PRRX2: variants seen among roughly 807,000 people sequenced by gnomAD.
The protein encoded by PRRX2 is paired mesoderm homeobox protein 2.
Under a neutral mutation model 18.0 loss-of-function variants are expected in PRRX2, and 11 were observed. The ratio of observed to expected loss-of-function variants is 0.61; its 90% confidence interval spans 0.39 to 1.01. The LOEUF is 1.01. PRRX2 is among the 50% of genes least tolerant of loss of function. The pLI is 0.01. For synonymous variants in PRRX2, 177 were observed against 154.8 expected, an observed-to-expected ratio of 1.14 and a Z score of -1.06; for missense variants, 387 against 351.0, an observed-to-expected ratio of 1.10 and a Z score of -0.82.
chr9:129,668,808 AAAAGAAAAG>A (rs1832061861), intron 1 of PRRX2, among the ~76,000 whole-genome samples: 1 of 151,054 alleles, frequency 6.6e-6, no homozygotes, highest in Admixed American at 6.6e-5. Flanking sequence ...AGAAAGAAAG[AAAAGAAAAG>A]AAAGAGATGG....
At chr9:129,702,595 G>A (rs952426050) in intron 1 of PRRX2, among the ~76,000 whole-genome samples, 4 of 152,206 alleles carry the variant, frequency 2.6e-5, no homozygotes, top group African/African-American at 4.8e-5. Flanking sequence ...CGTGCAGCTC[G>A]TTGCTCCCAC....
At chr9:129,684,482 T>TCTCA (rs777358202) in intron 1 of PRRX2, among the ~76,000 whole-genome samples, 28 of 43,294 alleles carry the variant, frequency 6.5e-4, no homozygotes, top group African/African-American at 2.2e-3. Context: ...ATACCAGAAA[T>TCTCA]CACACACACA....
At chr9:129,677,958 C>CTTTTTTTTTTTT (rs760645440) in intron 1 of PRRX2, among the ~76,000 whole-genome samples, 127 of 113,100 alleles carry the variant, frequency 1.1e-3, no homozygotes, top group Non-Finnish European at 1.4e-3. Flanking sequence ...TTCTTTCTTT[C>CTTTTTTTTTTTT]TTTTTTTTTT....
intron 1 of PRRX2, among the ~76,000 whole-genome samples, chr9:129,670,445 G>A (rs974041131): frequency 1.3e-5 from 2 of 152,082 alleles, no homozygotes; most frequent in South Asian, 2.1e-4. Context: ...TGTGATCTCC[G>A]CTCACTGCAA....
intron 1 of PRRX2, among the ~76,000 whole-genome samples, chr9:129,698,036 G>A (rs1450215812): frequency 6.6e-6 from 1 of 151,922 alleles, no homozygotes; most frequent in Admixed American, 6.6e-5. Flanking sequence ...CATTGAGGCC[G>A]GTCCCAGCTC....
At position 129,706,572 on chromosome 9, in the gene PRRX2, A is replaced by T. The variant is rs1178962186; in HGVS notation, c.260-12659A>T. 5.3e-5 allele frequency among the ~76,000 whole-genome samples: 8 copies of T among 152,074 alleles called. 1 individual carries two copies. The highest frequency in any genetic ancestry group is 1.4e-4 in the African/African-American group (6 of 41,460). On this transcript the variant is annotated intron_variant, in intron 1 of 3. Transcript: ENST00000372469. Reference sequence around the variant, plus strand: ...AGTGAAACTCCATCTCAAAAAAAAAAAAATAATTATTTGAGCATGGTGGCG... The same window carrying T: ...AGTGAAACTCCATCTCAAAAAAAAATAAATAATTATTTGAGCATGGTGGCG...
intron 1 of PRRX2, among the ~76,000 whole-genome samples, chr9:129,684,333 TTAAGCAA>T (rs1832269338): frequency 1.3e-5 from 2 of 151,886 alleles, no homozygotes; most frequent in Non-Finnish European, 2.9e-5. Flanking sequence ...GGATCCAGGC[TTAAGCAA>T]TGACACTGGG....
Position 129,719,216 on chromosome 9 carries a change from C to CG in PRRX2, c.260-15_260-14insG, listed in dbSNP as rs369683267. 82 of 1,557,560 alleles carry CG rather than the reference C, an allele frequency of 5.3e-5. No homozygotes were observed. In the African/African-American group the frequency reaches 9.8e-4, roughly 19 times the overall value. ...GGCCGTCCTGCTGACCATCCCGCCC[C>CG]CCCAACCTCCGCAGGTGAGTGTCCC... On this transcript the variant is annotated splice_polypyrimidine_tract_variant and intron_variant, in intron 1 of 3. Transcript: ENST00000372469.
chr9:129,667,530 A>G (rs921552176), intron 1 of PRRX2, among the ~76,000 whole-genome samples: 1 of 152,118 alleles, frequency 6.6e-6, no homozygotes, highest in African/African-American at 2.4e-5. Context: ...GTGAAGGGAA[A>G]GAAGGAAAGG....
At chr9:129,686,300 G>C (rs1436789974) in intron 1 of PRRX2, among the ~76,000 whole-genome samples, 1 of 152,224 alleles carries the variant, frequency 6.6e-6, no homozygotes, top group Non-Finnish European at 1.5e-5. Context: ...AGGCATCGCT[G>C]TTAGGGCTGG....
intron 1 of PRRX2, among the ~76,000 whole-genome samples, chr9:129,685,151 AC>A (rs752111551): frequency 6.6e-6 from 1 of 151,792 alleles, no homozygotes; most frequent in South Asian, 2.1e-4. Context: ...GGTCATCACC[AC>A]CCTACCTGGT....
chr9:129,720,722 CCCACCGCCCTGAGT>C lies in PRRX2; in HGVS notation c.578_591del (p.Thr193ArgfsTer143), dbSNP rs1247584707. ...CATCGAGCAGCCCGTGGCTCCCCGG[CCCACCGCCCTGAGT>C]CCAGATTATCTCTCCTGGACAGCCT... On this transcript the variant is annotated frameshift_variant, in exon 3 of 4. Transcript: ENST00000372469. LOFTEE classifies it high-confidence loss of function. 1 of 1,612,196 alleles carries C rather than the reference CCCACCGCCCTGAGT, an allele frequency of 6.2e-7. No individual in the cohort carries two copies. The highest frequency in any genetic ancestry group is 1.7e-5 in the Admixed American group (1 of 59,870).
intron 1 of PRRX2, among the ~76,000 whole-genome samples, chr9:129,701,681 T>C (rs139530980): frequency 5.8e-4 from 88 of 152,364 alleles, no homozygotes; most frequent in African/African-American, 1.9e-3. Context: ...CAGAAAATGA[T>C]ATTCATGCAC....
At chr9:129,704,457 G>A (rs771164213) in intron 1 of PRRX2, among the ~76,000 whole-genome samples, 9 of 152,164 alleles carry the variant, frequency 5.9e-5, no homozygotes, top group African/African-American at 9.7e-5. Context: ...GCAGGCAGGC[G>A]TTTGCTATCT....
chr9:129,676,254 T>C (rs1247627391), intron 1 of PRRX2, among the ~76,000 whole-genome samples: 1 of 152,066 alleles, frequency 6.6e-6, no homozygotes, highest in East Asian at 1.9e-4. Context: ...GCCAAGAACA[T>C]GGGAAGCAAC....
chr9:129,673,264 T>C (rs970334474), intron 1 of PRRX2, among the ~76,000 whole-genome samples: 4 of 152,126 alleles, frequency 2.6e-5, no homozygotes, highest in South Asian at 2.1e-4. Flanking sequence ...GCTTGAGCAA[T>C]GTAGCAAGAC....
chr9:129,694,884 G>A (rs962188018), intron 1 of PRRX2, among the ~76,000 whole-genome samples: 5 of 152,164 alleles, frequency 3.3e-5, no homozygotes, highest in African/African-American at 1.2e-4. Context: ...GTCCAACGAA[G>A]GCTTCATGGC....
At chr9:129,704,783 C>T (rs1832537778) in intron 1 of PRRX2, among the ~76,000 whole-genome samples, 1 of 152,172 alleles carries the variant, frequency 6.6e-6, no homozygotes, top group Non-Finnish European at 1.5e-5. Context: ...GAGCTGTTTG[C>T]AGGTTTGTTG....
chr9:129,683,531 C>T (rs11790248), intron 1 of PRRX2, among the ~76,000 whole-genome samples: 2,956 of 152,160 alleles, frequency 0.019, 42 homozygotes, highest in Middle Eastern at 0.062. Context: ...GTCAGGAGAT[C>T]GAGACCGTCC....
Sources: gnomAD v4.1 joint callset for allele counts (sites outside exome capture counted in the v4.1 genomes callset) on GRCh38, gnomAD v4.1.1 for gene constraint, MANE v1.5 for transcripts, NCBI Gene and HGNC (gene_info 2026-07-23, HGNC 2026-07-21) for gene names.